The following RUNX3 variants were observed in gnomAD, a reference collection of about 807,000 sequenced individuals.
The protein encoded by RUNX3 is RUNX family transcription factor 3.
In RUNX3, 10 loss-of-function variants were observed where a neutral mutation model predicts 27.7. That is an observed-to-expected ratio of 0.36 (90% CI 0.22 to 0.61). The LOEUF is 0.61. Ranked by LOEUF, RUNX3 falls within the 20% of genes least tolerant of loss-of-function variation. The pLI is 0.72. For synonymous variants in RUNX3, 270 were observed against 269.2 expected, an observed-to-expected ratio of 1.00 and a Z score of -0.03; for missense variants, 469 against 629.5, an observed-to-expected ratio of 0.75 and a Z score of 2.73.
chr1:24,902,775 A>G lies in RUNX3; in HGVS notation c.704-109T>C. 1 of 992,716 alleles carries G rather than the reference A, an allele frequency of 1.0e-6. No individual in the cohort carries two copies. Among genetic ancestry groups the G allele is most frequent in the Non-Finnish European group, 1.4e-6 (1 of 703,200 alleles). 61.5% of individuals were successfully genotyped at this position (992,716 alleles called of 1,614,324 possible). A position where few individuals can be genotyped will look rare whatever the true frequency, so the allele number is the denominator to read the frequency against. ...CCCAAGGCCCATCTGGGGGACCCCT[A>G]GTTCTAGACCTGGCTCTCCTCTTCC... On this transcript the variant is annotated intron_variant, in intron 4 of 4. Transcript: ENST00000308873. This position sits in a 1 kb window ranked among gnomAD's most constrained non-coding sequence, Gnocchi z 9.2.
At position 24,938,660 on chromosome 1, in the gene RUNX3, A is replaced by G. The variant is rs1641403812; in HGVS notation, c.59-8808T>C. The stretch of plus-strand genomic sequence containing the variant: ...AGTCATACATTAAAACTTCACCCCC[A>G]TTGTGATGGTATTAAGAGGCAGTGG... On this transcript the variant is annotated intron_variant, in intron 2 of 6. Coordinates refer to the RUNX3 transcript ENST00000338888. Among the ~76,000 whole-genome samples the G allele has an allele frequency of 2.0e-5, 3 of 152,180 alleles. No individual in the cohort carries two copies. In the South Asian group the frequency reaches 6.2e-4, roughly 32 times the overall value.
chr1:24,956,218 C>T (rs1641919777), intron 2 of RUNX3, among the ~76,000 whole-genome samples: 1 of 152,234 alleles, frequency 6.6e-6, no homozygotes, highest in Admixed American at 6.5e-5. Flanking sequence ...GGAGCTCAGG[C>T]TGATGGGAGC....
intron 4 of RUNX3, among the ~76,000 whole-genome samples, chr1:24,905,976 C>T (rs988517297): frequency 2.0e-5 from 3 of 152,198 alleles, no homozygotes; most frequent in African/African-American, 7.2e-5. Context: ...AGAGGCTGGG[C>T]CTGGGGCTTC....
chr1:24,964,981 C>T (rs1301673801), exon 1 of RUNX3: 1 of 259,804 alleles, frequency 3.8e-6, no homozygotes, highest in Middle Eastern at 1.6e-3. Flanking sequence ...CAGAGTGGGC[C>T]GCCTCCAGTG....
rs60097574 is a variant in RUNX3 at position 24,962,341 on chromosome 1, A to C, written c.58+2173T>G. ...CCTTTGGATTTTGTCTTACGCGTTT[A>C]AAAACGCAACTCCGAGGAGGAACCT... On this transcript the variant is annotated intron_variant, in intron 2 of 6. Coordinates refer to the RUNX3 transcript ENST00000338888. The surrounding 1 kb of genome is among the most constrained non-coding windows in gnomAD (Gnocchi z 4.5). 18,898 of 152,276 alleles carry C rather than the reference A, an allele frequency of 0.12. 1,255 individuals carry two copies. Among genetic ancestry groups the C allele is most frequent in the African/African-American group, 0.16 (6,509 of 41,534 alleles). 9.4% of individuals were successfully genotyped at this position (152,276 alleles called of 1,614,324 possible). A position where few individuals can be genotyped will look rare whatever the true frequency, so the allele number is the denominator to read the frequency against.
intron 2 of RUNX3, among the ~76,000 whole-genome samples, chr1:24,935,423 C>G (rs536877077): frequency 1.3e-4 from 20 of 152,296 alleles, no homozygotes; most frequent in Non-Finnish European, 2.4e-4. Context: ...AGCTCCCTTG[C>G]GTCCACATGA....
intron 2 of RUNX3, among the ~76,000 whole-genome samples, chr1:24,955,896 T>C (rs886146292): frequency 5.9e-5 from 9 of 152,252 alleles, no homozygotes; most frequent in South Asian, 2.1e-4. Context: ...ATGCAGTAGA[T>C]GCTCAATAAA....
At chr1:24,905,977 C>G (rs1377110909) in intron 4 of RUNX3, among the ~76,000 whole-genome samples, 1 of 152,244 alleles carries the variant, frequency 6.6e-6, no homozygotes, top group Non-Finnish European at 1.5e-5. Context: ...GAGGCTGGGC[C>G]TGGGGCTTCT....
intron 3 of RUNX3, among the ~76,000 whole-genome samples, chr1:24,910,221 G>A (rs1281204066): frequency 6.0e-5 from 9 of 151,168 alleles, no homozygotes; most frequent in Non-Finnish European, 1.2e-4. Flanking sequence ...CCCGGGAGGC[G>A]GAGGTTGCAG....
chr1:24,927,799 G>A lies in RUNX3; in HGVS notation c.283-69C>T. ...GGAAGAGGGTGACCAGGGAAAGGAG[G>A]GGAGGGGCTGGGCTGGGCAGCTCCC... is the stretch of plus-strand genomic sequence containing the variant. On this transcript the variant is annotated intron_variant, in intron 1 of 4. Coordinates refer to ENST00000308873, the MANE Select transcript of RUNX3 (RefSeq NM_004350.3). This position sits in a 1 kb window ranked among gnomAD's most constrained non-coding sequence, Gnocchi z 5.0. The A allele has an allele frequency of 1.4e-6, 2 of 1,437,646 alleles. No individual in the cohort carries two copies. The highest frequency in any genetic ancestry group is 2.3e-5 in the South Asian group (2 of 86,772). 89.1% of individuals were successfully genotyped at this position (1,437,646 alleles called of 1,614,324 possible).
Position 24,922,315 on chromosome 1 carries a change from C to T in RUNX3, c.440-2971G>A, listed in dbSNP as rs183269430. 2.4e-3 allele frequency among the ~76,000 whole-genome samples: 363 copies of T among 152,068 alleles called. 1 individual carries two copies. Among genetic ancestry groups the T allele is most frequent in the African/African-American group, 8.0e-3 (331 of 41,444 alleles). On this transcript the variant is annotated intron_variant, in intron 2 of 4. Transcript: ENST00000308873. ...GGATTACAGTCGTAAACCACTACACCTGGAAGGCATTTTTAACTTGGCTCC... is the reference window on the plus strand; with the variant it reads ...GGATTACAGTCGTAAACCACTACACTTGGAAGGCATTTTTAACTTGGCTCC...
intron 2 of RUNX3, among the ~76,000 whole-genome samples, chr1:24,957,554 C>T (rs1008019404): frequency 3.3e-5 from 5 of 152,230 alleles, no homozygotes; most frequent in African/African-American, 1.2e-4. Flanking sequence ...TGGGAAGGCT[C>T]CCCAAGGGGG....
At chr1:24,960,532 C>T (rs1025579104) in intron 2 of RUNX3, among the ~76,000 whole-genome samples, 1 of 152,230 alleles carries the variant, frequency 6.6e-6, no homozygotes, top group African/African-American at 2.4e-5. Context: ...CCCCAGAGCC[C>T]CCTTAAAGCC....
At chr1:24,924,267 T>C (rs1399532151) in intron 2 of RUNX3, among the ~76,000 whole-genome samples, 1 of 152,030 alleles carries the variant, frequency 6.6e-6, no homozygotes, top group Non-Finnish European at 1.5e-5. Context: ...GTCCCAGCTA[T>C]TGAGGTGGGA....
chr1:24,950,519 T>A (rs1219685308), intron 2 of RUNX3, among the ~76,000 whole-genome samples: 2 of 152,178 alleles, frequency 1.3e-5, no homozygotes, highest in East Asian at 3.9e-4. Flanking sequence ...AGCATTTCAA[T>A]ATGGCAACTG....
At chr1:24,944,151 C>T (rs1318950609) in intron 2 of RUNX3, among the ~76,000 whole-genome samples, 11 of 152,070 alleles carry the variant, frequency 7.2e-5, no homozygotes, top group Non-Finnish European at 1.3e-4. Context: ...GCTTGGGGGC[C>T]GTTGAGGGGC....
At chr1:24,935,531 C>T (rs1005734) in intron 2 of RUNX3, among the ~76,000 whole-genome samples, 2 of 152,004 alleles carry the variant, frequency 1.3e-5, no homozygotes, top group African/African-American at 2.4e-5. Context: ...GAGGCAAGGA[C>T]GGAGAAAAGA....
In RUNX3 at chr1:24,943,951, A is replaced by G. The variant is rs1641542186; in HGVS notation, c.59-14099T>C. On this transcript the variant is annotated intron_variant, in intron 2 of 6. Transcript: ENST00000338888. This position sits in a 1 kb window ranked among gnomAD's most constrained non-coding sequence, Gnocchi z 4.6. ...TTGGCCTTTGATGTTAGGGAAGATC[A>G]CCAGTTCCCTGGTGTTGTGGGAGGT... 6.6e-6 allele frequency among the ~76,000 whole-genome samples: 1 copy of G among 152,158 alleles called. No homozygotes were observed. Among genetic ancestry groups the G allele is most frequent in the African/African-American group, 2.4e-5 (1 of 41,426 alleles).
intron 2 of RUNX3, among the ~76,000 whole-genome samples, chr1:24,935,513 G>T (rs1158586031): frequency 6.6e-6 from 1 of 152,204 alleles, no homozygotes; most frequent in African/African-American, 2.4e-5. Context: ...GGATGGGAGA[G>T]AGAAAGGGAG....
Sources: gnomAD v4.1 joint callset for allele counts (sites outside exome capture counted in the v4.1 genomes callset) on GRCh38, gnomAD v4.1.1 for gene constraint, Gnocchi (gnomAD v3.1) non-coding constraint, MANE v1.5 for transcripts, NCBI Gene and HGNC (gene_info 2026-07-23, HGNC 2026-07-21) for gene names.